Variants in EXOC6 observed in about 807,000 individuals in gnomAD.
EXOC6 encodes the protein exocyst complex component 6.
A neutral mutation model predicts 112.5 loss-of-function variants in EXOC6; 60 were observed. The observed-to-expected ratio is 0.53, with a 90% CI of 0.43 to 0.66. The LOEUF (loss-of-function observed/expected upper bound fraction) is 0.66, where lower values mean the gene tolerates loss of function less well. Ranked by LOEUF, EXOC6 falls within the 30% of genes least tolerant of loss-of-function variation. The probability of loss-of-function intolerance (pLI) is 0.00; values close to 1 mark genes in which losing one functional copy is unlikely to be tolerated. For missense variants in EXOC6, 855 were observed against 957.1 expected, an observed-to-expected ratio of 0.89 and a Z score of 1.41; for synonymous variants, 295 against 308.0, an observed-to-expected ratio of 0.96 and a Z score of 0.44.
chr10:92,842,174 C>T (rs910691229), intron 1 of EXOC6, among the ~76,000 whole-genome samples: 2 of 152,074 alleles, frequency 1.3e-5, no homozygotes, highest in African/African-American at 4.8e-5. Context: ...GCCTGGCCAA[C>T]ATGGTGAAAC....
intron 17 of EXOC6, among the ~76,000 whole-genome samples, chr10:92,968,711 G>A (rs1842166432): frequency 6.6e-6 from 1 of 152,130 alleles, no homozygotes; most frequent in Non-Finnish European, 1.5e-5. Flanking sequence ...CCCCTTCTGG[G>A]TGCCAATTAC....
intron 20 of EXOC6, among the ~76,000 whole-genome samples, chr10:93,045,695 G>GT (rs1438960663): frequency 6.6e-6 from 1 of 152,218 alleles, no homozygotes; most frequent in Non-Finnish European, 1.5e-5. Context: ...CTCATCATGA[G>GT]TTTCAACGTT....
At chr10:93,015,410 G>A (rs773419459) in intron 20 of EXOC6, among the ~76,000 whole-genome samples, 2 of 152,178 alleles carry the variant, frequency 1.3e-5, no homozygotes, top group Non-Finnish European at 2.9e-5. Flanking sequence ...GCTTAAACAT[G>A]CTTTAGAGAA....
At chr10:92,880,122 A>G (rs1848878072) in intron 1 of EXOC6, among the ~76,000 whole-genome samples, 1 of 152,222 alleles carries the variant, frequency 6.6e-6, no homozygotes, top group South Asian at 2.1e-4. Context: ...GCTTCCGGGA[A>G]CCGGTGTGGA....
chr10:92,928,451 T>C, intron 9 of EXOC6, 29 bp downstream of exon 9: 1 of 1,390,238 alleles, frequency 7.2e-7, no homozygotes, highest in Non-Finnish European at 1.0e-6. Context: ...GAATTGGTTA[T>C]GTTGTCACTT....
intron 1 of EXOC6, among the ~76,000 whole-genome samples, chr10:92,884,428 A>G (rs1462199640): frequency 6.6e-6 from 1 of 152,204 alleles, no homozygotes; most frequent in African/African-American, 2.4e-5. Context: ...TTTAATGGCA[A>G]TTGCTCTAGG....
chr10:92,976,627 C>T (rs1485490378), intron 18 of EXOC6, among the ~76,000 whole-genome samples: 1 of 150,388 alleles, frequency 6.6e-6, no homozygotes, highest in Admixed American at 6.6e-5. Context: ...CCTGCCATCC[C>T]CCTCTGCGAG....
chr10:93,025,818 C>G (rs1435279920), intron 20 of EXOC6, among the ~76,000 whole-genome samples: 1 of 152,166 alleles, frequency 6.6e-6, no homozygotes, highest in Non-Finnish European at 1.5e-5. Flanking sequence ...GTGACTACAT[C>G]TATAGAACAC....
chr10:92,999,652 A>T (rs1425551481), intron 19 of EXOC6, among the ~76,000 whole-genome samples: 1 of 151,602 alleles, frequency 6.6e-6, no homozygotes, highest in Non-Finnish European at 1.5e-5. Flanking sequence ...ATTACAGTAT[A>T]TTGTCGTATG....
intron 18 of EXOC6, among the ~76,000 whole-genome samples, chr10:92,975,052 C>T (rs1396141218): frequency 6.6e-6 from 1 of 151,492 alleles, no homozygotes; most frequent in African/African-American, 2.4e-5. Context: ...AGGAGCCCCT[C>T]TGCCTGGCTG....
upstream of EXOC6, among the ~76,000 whole-genome samples, chr10:92,844,497 C>T (rs922449018): frequency 3.9e-5 from 6 of 152,154 alleles, no homozygotes; most frequent in Non-Finnish European, 8.8e-5. Flanking sequence ...AAGACATGTT[C>T]CTGTTTCCCT....
chr10:92,921,965 A>G (rs1436567352), intron 8 of EXOC6, among the ~76,000 whole-genome samples: 1 of 151,180 alleles, frequency 6.6e-6, no homozygotes, highest in Non-Finnish European at 1.5e-5. Context: ...TTTTTTTTTG[A>G]GACAGAGTCT....
intron 18 of EXOC6, chr10:92,987,516 A>C (rs1843056755): frequency 5.4e-6 from 2 of 368,932 alleles, no homozygotes; most frequent in Non-Finnish European, 7.5e-6. Context: ...TGCTTGTTTT[A>C]GAGTATATTC....
intron 5 of EXOC6, chr10:92,900,570 C>T (rs898312480): frequency 2.0e-5 from 3 of 151,102 alleles, no homozygotes; most frequent in Admixed American, 6.6e-5. Flanking sequence ...TTTTCTTTCA[C>T]GTATGTATTA....
At chr10:92,914,886 A>G (rs972881497) in intron 6 of EXOC6, among the ~76,000 whole-genome samples, 1 of 152,242 alleles carries the variant, frequency 6.6e-6, no homozygotes, top group Non-Finnish European at 1.5e-5. Context: ...AAGGAAATTA[A>G]AATCCTGGAA....
chr10:93,055,833 G>C (rs1846513399), intron 20 of EXOC6, among the ~76,000 whole-genome samples: 1 of 152,118 alleles, frequency 6.6e-6, no homozygotes, highest in South Asian at 2.1e-4. Context: ...AAATTGGATG[G>C]GGAAATAGTC....
chr10:93,035,593 G>A (rs1183121340), intron 20 of EXOC6, among the ~76,000 whole-genome samples: 2 of 151,970 alleles, frequency 1.3e-5, no homozygotes, highest in Non-Finnish European at 2.9e-5. Context: ...GGTGGCTCAC[G>A]CCTGTAATCC....
At chr10:93,000,840 A>C (rs1395739806) in intron 19 of EXOC6, among the ~76,000 whole-genome samples, 2 of 152,186 alleles carry the variant, frequency 1.3e-5, no homozygotes, top group Non-Finnish European at 2.9e-5. Context: ...ATGGATAAAG[A>C]AGTCTTTCTG....
intron 12 of EXOC6, among the ~76,000 whole-genome samples, chr10:92,937,321 A>G (rs4933756): frequency 0.29 from 43,838 of 152,040 alleles, 7,152 homozygotes; most frequent in East Asian, 0.73. Context: ...ATTTATACCC[A>G]TAAGTTCCCA....
Sources: allele counts gnomAD v4.1 joint callset (sites outside exome capture counted in the v4.1 genomes callset), GRCh38; gene constraint gnomAD v4.1.1; transcripts MANE v1.5; gene names NCBI Gene and HGNC (gene_info 2026-07-23, HGNC 2026-07-21).